Variants in ATP2B2 observed in about 807,000 individuals in gnomAD.
ATP2B2 encodes ATPase plasma membrane Ca2+ transporting 2.
A neutral mutation model predicts 120.0 loss-of-function variants in ATP2B2; 15 were observed. The observed-to-expected ratio is 0.12, with a 90% CI of 0.08 to 0.19. The LOEUF is 0.19. Ranked by LOEUF, ATP2B2 falls within the 10% of genes least tolerant of loss-of-function variation. ATP2B2 has a pLI of 1.00. For synonymous variants in ATP2B2, 694 were observed against 700.3 expected (o/e 0.99, Z 0.14); for missense variants, 1,045 against 1,719.8 (o/e 0.61, Z 6.94).
At position 10,326,429 on chromosome 3, in the gene ATP2B2, G is replaced by C. The variant is rs14154; in HGVS notation, c.*2385C>G. The C allele has an allele frequency of 0.51, 161,650 of 319,100 alleles. 41,832 individuals are homozygous for C. The highest frequency in any genetic ancestry group is 0.69 in the South Asian group (4,339 of 6,254). The allele number at this position is 319,100 out of a possible 1,614,324, so 19.8% of individuals were successfully genotyped here. A position where few individuals can be genotyped will look rare whatever the true frequency, so the allele number is the denominator to read the frequency against. ...CCCCTCCTGGCTCCGAATGAACATG[G>C]AGCATGGTGTGCAAACACAGCTATC... On this transcript the variant is annotated 3_prime_UTR_variant, in exon 23 of 23. Transcript: ENST00000360273.
chr3:10,614,600 C>T (rs1051997401), intron 2 of ATP2B2, among the ~76,000 whole-genome samples: 8 of 152,170 alleles, frequency 5.3e-5, no homozygotes, highest in Non-Finnish European at 7.3e-5. Context: ...TCTCCCGCAT[C>T]GTAGTTGGGT....
rs191279134 is a variant in ATP2B2, at chr3:10,522,322, G to A, written c.-320+11717C>T. On this transcript the variant is annotated intron_variant, in intron 3 of 21. Transcript: ENST00000646379. ...ATAATAACCCCCTGTGTGAGGCTCA[G>A]AGAAGTTAGCTAGTTGTCTCAAGAT... Among the ~76,000 whole-genome samples, 118 of 152,246 alleles carry A rather than the reference G, an allele frequency of 7.8e-4. 1 individual carries two copies. The highest frequency in any genetic ancestry group is 2.7e-3 in the African/African-American group (113 of 41,508).
intron 1 of ATP2B2, among the ~76,000 whole-genome samples, chr3:10,685,844 C>G (rs564648983): frequency 1.3e-5 from 2 of 152,166 alleles, no homozygotes; most frequent in Non-Finnish European, 2.9e-5. Flanking sequence ...CTTCTTTAAG[C>G]CCTATATGAG....
In ATP2B2 at chr3:10,527,247, G is replaced by A. The variant is rs377190885; in HGVS notation, c.-320+6792C>T. On this transcript the variant is annotated intron_variant, in intron 3 of 21. Coordinates refer to the ATP2B2 transcript ENST00000646379. ...GGGCAGCTCAGAGCTAGCACCTACTGGACACTTGCCTGTGTTGAAGGGCTC... is the reference window on the plus strand; with the variant it reads ...GGGCAGCTCAGAGCTAGCACCTACTAGACACTTGCCTGTGTTGAAGGGCTC... Among the ~76,000 whole-genome samples the A allele has an allele frequency of 2.0e-5, 3 of 152,152 alleles. No individual in the cohort carries two copies. In the South Asian group the frequency reaches 6.2e-4, roughly 32 times the overall value.
intron 13 of ATP2B2, 108 bp downstream of exon 13, chr3:10,359,774 G>A (rs1214008351): frequency 1.3e-6 from 2 of 1,527,040 alleles, no homozygotes; most frequent in African/African-American, 1.4e-5. Context: ...CAGCCGGGCA[G>A]GCTGCTGAGC....
At chr3:10,687,490 G>C (rs1174588755) in intron 1 of ATP2B2, among the ~76,000 whole-genome samples, 1 of 152,114 alleles carries the variant, frequency 6.6e-6, no homozygotes, top group Non-Finnish European at 1.5e-5. Context: ...AACAACTTTG[G>C]AGAAAGCTCG....
At position 10,486,555 on chromosome 3, in the gene ATP2B2, G is replaced by A. The variant is rs545134061; in HGVS notation, c.-320+18910C>T. On this transcript the variant is annotated intron_variant, in intron 1 of 22. Coordinates refer to ENST00000360273, the MANE Select transcript of ATP2B2 (RefSeq NM_001001331.4). ...AGTATGTTCTCACCTCAGGATCTTC[G>A]CACTGGCTGACTCCTTTGCTGGGAC... Among the ~76,000 whole-genome samples the A allele has an allele frequency of 1.9e-3, 287 of 152,156 alleles. 1 individual carries two copies. Among genetic ancestry groups the A allele is most frequent in the African/African-American group, 6.5e-3 (268 of 41,498 alleles).
intron 22 of ATP2B2, among the ~76,000 whole-genome samples, chr3:10,334,650 C>T (rs1407080848): frequency 6.6e-6 from 1 of 152,242 alleles, no homozygotes; most frequent in Non-Finnish European, 1.5e-5. Context: ...CGTTTCTGTG[C>T]TGACGAATGA....
chr3:10,485,989 G>A (rs873583), intron 1 of ATP2B2, among the ~76,000 whole-genome samples: 4 of 152,308 alleles, frequency 2.6e-5, no homozygotes, highest in East Asian at 1.9e-4. Flanking sequence ...ACATGGGGCC[G>A]AGGGGTGGTA....
intron 2 of ATP2B2, among the ~76,000 whole-genome samples, chr3:10,614,549 A>G (rs1196350475): frequency 1.3e-5 from 2 of 152,184 alleles, no homozygotes; most frequent in African/African-American, 4.8e-5. Context: ...AATGAGAAAA[A>G]TACATTGAAT....
chr3:10,642,217 T>C (rs772178767), intron 1 of ATP2B2, among the ~76,000 whole-genome samples: 1 of 152,224 alleles, frequency 6.6e-6, no homozygotes, highest in African/African-American at 2.4e-5. Context: ...TTTCCTCATC[T>C]ATAAAATAGG....
chr3:10,466,416 G>C (rs1444134329), intron 1 of ATP2B2, among the ~76,000 whole-genome samples: 1 of 152,156 alleles, frequency 6.6e-6, no homozygotes, highest in African/African-American at 2.4e-5. Flanking sequence ...TGTGCAGAAA[G>C]CATGTGCATT....
chr3:10,560,146 C>T (rs1312814321), intron 2 of ATP2B2, among the ~76,000 whole-genome samples: 2 of 152,212 alleles, frequency 1.3e-5, no homozygotes, highest in African/African-American at 4.8e-5. Flanking sequence ...ATGGGAGCAA[C>T]TCAAAGGCAG....
chr3:10,532,295 TAG>T (rs1226644071), intron 3 of ATP2B2, among the ~76,000 whole-genome samples: 1 of 152,170 alleles, frequency 6.6e-6, no homozygotes, highest in Non-Finnish European at 1.5e-5. Flanking sequence ...TGACCGCACA[TAG>T]AGAGTGCTCA....
chr3:10,602,118 C>T (rs1004768352), intron 2 of ATP2B2, among the ~76,000 whole-genome samples: 9 of 152,184 alleles, frequency 5.9e-5, no homozygotes, highest in African/African-American at 1.4e-4. Context: ...GAAGCCCCCT[C>T]GGAGCCCCCT....
chr3:10,418,132 G>A (rs1156327160), intron 2 of ATP2B2, among the ~76,000 whole-genome samples: 1 of 151,980 alleles, frequency 6.6e-6, no homozygotes, highest in Admixed American at 6.6e-5. Context: ...TACTGAATAC[G>A]CAGTTCACCT....
intron 1 of ATP2B2, among the ~76,000 whole-genome samples, chr3:10,650,513 C>A (rs1008796231): frequency 6.6e-6 from 1 of 152,172 alleles, no homozygotes; most frequent in Non-Finnish European, 1.5e-5. Flanking sequence ...AAATGAAAAT[C>A]CCATTTTCTG....
At chr3:10,436,098 T>C (rs1352070359) in intron 2 of ATP2B2, among the ~76,000 whole-genome samples, 2 of 152,192 alleles carry the variant, frequency 1.3e-5, no homozygotes, top group Admixed American at 6.5e-5. Context: ...TCCTGGGACG[T>C]AGAATCAGTG....
At chr3:10,451,209 C>T (rs550788080) in intron 1 of ATP2B2, among the ~76,000 whole-genome samples, 1 of 152,226 alleles carries the variant, frequency 6.6e-6, no homozygotes. Context: ...TCTCCTGGCT[C>T]ATAGCCCTGG....
Sources: allele counts gnomAD v4.1 joint callset (sites outside exome capture counted in the v4.1 genomes callset), GRCh38; gene constraint gnomAD v4.1.1; transcripts MANE v1.5; gene names NCBI Gene and HGNC (gene_info 2026-07-23, HGNC 2026-07-21).